ILDR2: variants seen among roughly 807,000 people sequenced by gnomAD.
The protein encoded by ILDR2 is immunoglobulin like domain containing receptor 2, also known as immunoglobulin-like domain-containing receptor 2.
Under a neutral mutation model 66.8 loss-of-function variants are expected in ILDR2, and 25 were observed. The ratio of observed to expected loss-of-function variants is 0.37; its 90% CI spans 0.27 to 0.52. The LOEUF (loss-of-function observed/expected upper bound fraction) is 0.52, where lower values mean the gene tolerates loss of function less well. ILDR2 is among the 20% of genes least tolerant of loss of function. The probability of loss-of-function intolerance (pLI) is 0.88; values close to 1 mark genes in which losing one functional copy is unlikely to be tolerated. For missense variants in ILDR2, 827 were observed against 876.8 expected (o/e 0.94, Z 0.72); for synonymous variants, 367 against 357.2 (o/e 1.03, Z -0.31).
At position 166,921,446 on chromosome 1, in the gene ILDR2, G is replaced by C; in HGVS notation, c.1212-67C>G. ...CTGGAGCTCCAGGTAGGGCTCCCAA[G>C]AGCACCCATCGTGTCCTGGGGCCAC... On this transcript the variant is annotated intron_variant, in intron 8 of 9. Transcript: ENST00000271417. This position sits in a 1 kb window ranked among gnomAD's most constrained non-coding sequence, Gnocchi z 5.3. 36 of 1,370,084 alleles carry C rather than the reference G, an allele frequency of 2.6e-5. No homozygotes were observed. The highest frequency in any genetic ancestry group is 3.4e-5 in the Non-Finnish European group (35 of 1,018,640). The allele number at this position is 1,370,084 out of a possible 1,614,324, so 84.9% of individuals were successfully genotyped here.
chr1:166,912,784 T>C lies in ILDR2; in HGVS notation c.*6571A>G, dbSNP rs1659498096. 1.3e-5 allele frequency: 2 copies of C among 152,362 alleles called. No homozygotes were observed. The highest frequency in any genetic ancestry group is 4.1e-4 in the South Asian group (2 of 4,828). 9.4% of individuals were successfully genotyped at this position (152,362 alleles called of 1,614,324 possible). A position where few individuals can be genotyped will look rare whatever the true frequency, so the allele number is the denominator to read the frequency against. Reference sequence around the variant, plus strand: ...TTGCCTCCTCTTAATTATGGTGCTGTGGAATTTCTCAAATCTTAACAGAAC... The same window carrying C: ...TTGCCTCCTCTTAATTATGGTGCTGCGGAATTTCTCAAATCTTAACAGAAC... On this transcript the variant is annotated 3_prime_UTR_variant, in exon 10 of 10. Coordinates refer to ENST00000271417, the MANE Select transcript of ILDR2 (RefSeq NM_199351.3).
chr1:166,906,699 A>G (rs1571256705), downstream of ILDR2, among the ~76,000 whole-genome samples: 1 of 152,240 alleles, frequency 6.6e-6, no homozygotes, highest in East Asian at 1.9e-4. Context: ...TGGCAAAGTC[A>G]GACTTCAGTC....
At chr1:166,948,363 A>G (rs1053390805) in intron 3 of ILDR2, among the ~76,000 whole-genome samples, 21 of 152,336 alleles carry the variant, frequency 1.4e-4, no homozygotes, top group African/African-American at 4.1e-4. Context: ...AGTTTGGATG[A>G]TAAGTTGTAA....
At chr1:166,925,057 G>A (rs1480958999) in intron 7 of ILDR2, among the ~76,000 whole-genome samples, 1 of 152,060 alleles carries the variant, frequency 6.6e-6, no homozygotes, top group East Asian at 1.9e-4. Flanking sequence ...AGGAGATATA[G>A]TTTGCTGAGC....
downstream of ILDR2, among the ~76,000 whole-genome samples, chr1:166,905,134 A>C (rs1659323983): frequency 1.3e-5 from 2 of 152,264 alleles, no homozygotes; most frequent in Admixed American, 6.5e-5. Flanking sequence ...GCTTCTTTTT[A>C]TCTCTCTCTC....
In ILDR2 at chr1:166,913,209, G is replaced by A. The variant is rs938860655; in HGVS notation, c.*6146C>T. The A allele has an allele frequency of 1.3e-5, 2 of 152,016 alleles. No individual in the cohort carries two copies. Among genetic ancestry groups the A allele is most frequent in the Admixed American group, 6.6e-5 (1 of 15,254 alleles). The allele number at this position is 152,016 out of a possible 1,614,324, so 9.4% of individuals were successfully genotyped here. A position where few individuals can be genotyped will look rare whatever the true frequency, so the allele number is the denominator to read the frequency against. On this transcript the variant is annotated 3_prime_UTR_variant, in exon 10 of 10. Coordinates refer to ENST00000271417, the MANE Select transcript of ILDR2 (RefSeq NM_199351.3). ...TATGAGTTCTTGGTAACAAATGTAG[G>A]TAAGAATTCTTTATTACGTTTAAAA... is the stretch of plus-strand genomic sequence containing the variant.
chr1:166,898,125 C>T (rs1381226241), intron 2 of ILDR2, among the ~76,000 whole-genome samples: 1 of 151,988 alleles, frequency 6.6e-6, no homozygotes, highest in East Asian at 1.9e-4. Context: ...TGTAAGACAC[C>T]CATAGGAAAT....
rs558948343 is a variant in ILDR2 at position 166,924,306 on chromosome 1, C to T, written c.995-1497G>A. Among the ~76,000 whole-genome samples the T allele has an allele frequency of 9.8e-5, 15 of 152,302 alleles. No individual in the cohort carries two copies. The South Asian group carries it at 2.9e-3, about 29-fold the overall frequency. Reference sequence around the variant, plus strand: ...ATGAATTCCAGTATCCCAGGGATCACACAGAAGAGGCCTTTAAAATGCACC... The same window carrying T: ...ATGAATTCCAGTATCCCAGGGATCATACAGAAGAGGCCTTTAAAATGCACC... On this transcript the variant is annotated intron_variant, in intron 7 of 9. Transcript: ENST00000271417.
chr1:166,957,900 C>T lies in ILDR2; in HGVS notation c.248G>A (p.Arg83Lys). 6.2e-7 allele frequency: 1 copy of T among 1,614,190 alleles called. No homozygotes were observed. Among genetic ancestry groups the T allele is most frequent in the Non-Finnish European group, 8.5e-7 (1 of 1,180,036 alleles). The part of the protein sequence containing the change: ...SSTRAQSLSK[R>K]NLEWDPYLDC... Reference sequence around the variant, plus strand: ...CAAGTAGGGGTCCCATTCCAGGTTTCTCTTGCTGAGAGATTGGGCCCGGGT... The same window carrying T: ...CAAGTAGGGGTCCCATTCCAGGTTTTTCTTGCTGAGAGATTGGGCCCGGGT... Residue 83 changes from arginine (R) to lysine (K), a missense_variant, in exon 2 of 10, where the codon AGA (arginine) becomes AAA (lysine). This residue lies in a region of ILDR2 where 437 missense variants were observed against 523.2 expected (regional missense o/e 0.84). Coordinates refer to ENST00000271417, the MANE Select transcript of ILDR2 (RefSeq NM_199351.3).
At chr1:166,897,094 G>A (rs58768688) in intron 2 of ILDR2, among the ~76,000 whole-genome samples, 2,408 of 152,252 alleles carry the variant, frequency 0.016, 61 homozygotes, top group African/African-American at 0.055. Flanking sequence ...CTTTAGAATA[G>A]CAACTCTGAT....
In ILDR2 at chr1:166,936,555, C is replaced by G. The variant is rs1018750009; in HGVS notation, c.703+36G>C. The G allele has an allele frequency of 6.2e-7, 1 of 1,613,616 alleles. No individual in the cohort carries two copies. Among genetic ancestry groups the G allele is most frequent in the Non-Finnish European group, 8.5e-7 (1 of 1,179,764 alleles). ...CAGGTAGAGAGGTAGACATTTCTCT[C>G]GATCGCTCTGTCTCCCCAGCGGTCA... is the stretch of plus-strand genomic sequence containing the variant. On this transcript the variant is annotated intron_variant, in intron 5 of 9. Transcript: ENST00000271417. This position sits in a 1 kb window ranked among gnomAD's most constrained non-coding sequence, Gnocchi z 5.0.
intron 3 of ILDR2, among the ~76,000 whole-genome samples, chr1:166,946,272 G>A (rs1661605414): frequency 6.6e-6 from 1 of 151,992 alleles, no homozygotes; most frequent in Non-Finnish European, 1.5e-5. Flanking sequence ...TCACAAATGT[G>A]GATATAGCCC....
At chr1:166,952,547 A>G (rs1426575810) in intron 3 of ILDR2, among the ~76,000 whole-genome samples, 2 of 152,196 alleles carry the variant, frequency 1.3e-5, no homozygotes, top group Admixed American at 1.3e-4. Context: ...CCACTGAAAG[A>G]GCCATCCATA....
chr1:166,915,731 G>A lies in ILDR2; in HGVS notation c.*3624C>T, dbSNP rs1659616883. On this transcript the variant is annotated 3_prime_UTR_variant, in exon 10 of 10. Transcript: ENST00000271417. ...GGCAAGATCTAATCAGACTACCTAT[G>A]TGAAATTTTGTGGACTATTCAGAAA... The A allele has an allele frequency of 6.6e-6, 1 of 152,208 alleles. No homozygotes were observed. The highest frequency in any genetic ancestry group is 1.5e-5 in the Non-Finnish European group (1 of 68,050). 9.4% of individuals were successfully genotyped at this position (152,208 alleles called of 1,614,324 possible).
Position 166,908,801 on chromosome 1 carries a change from T to C in ILDR2, c.*10554A>G, listed in dbSNP as rs1659399230. 2 of 152,180 alleles carry C rather than the reference T, an allele frequency of 1.3e-5. No individual in the cohort carries two copies. The highest frequency in any genetic ancestry group is 4.1e-4 in the South Asian group (2 of 4,824). The allele number at this position is 152,180 out of a possible 1,614,324, so 9.4% of individuals were successfully genotyped here. On this transcript the variant is annotated 3_prime_UTR_variant, in exon 10 of 10. Transcript: ENST00000271417. ...GGTATATGGAAGGCTCTGGTAGGAT[T>C]TGTCACTGAACTGTGGTAAAAACAG...
intron 1 of ILDR2, among the ~76,000 whole-genome samples, chr1:166,961,816 C>T: frequency 6.6e-6 from 1 of 152,138 alleles, no homozygotes. Context: ...GTGTACAGGG[C>T]AAAAACTGCA....
chr1:166,936,532 G>T lies in ILDR2; in HGVS notation c.703+59C>A. ...AGGAACCCAGCGCACACAGCTGTCA[G>T]GTAGAGAGGTAGACATTTCTCTCGA... On this transcript the variant is annotated intron_variant, in intron 5 of 9. Transcript: ENST00000271417. The surrounding 1 kb of genome is among the most constrained non-coding windows in gnomAD (Gnocchi z 5.0). The T allele has an allele frequency of 6.2e-7, 1 of 1,610,258 alleles. No homozygotes were observed. The highest frequency in any genetic ancestry group is 8.5e-7 in the Non-Finnish European group (1 of 1,177,734).
chr1:166,967,448 A>G (rs950944727), intron 1 of ILDR2, among the ~76,000 whole-genome samples: 2 of 152,178 alleles, frequency 1.3e-5, no homozygotes, highest in Non-Finnish European at 2.9e-5. Flanking sequence ...GGGAAACTTC[A>G]TCTTCTTTCC....
At chr1:166,951,518 T>C (rs1388117616) in intron 3 of ILDR2, among the ~76,000 whole-genome samples, 1 of 152,236 alleles carries the variant, frequency 6.6e-6, no homozygotes, top group Non-Finnish European at 1.5e-5. Context: ...AAAAGAGTTC[T>C]GAAAAATACA....
Sources: gnomAD v4.1 joint callset for allele counts (sites outside exome capture counted in the v4.1 genomes callset) on GRCh38, gnomAD v4.1.1 for gene constraint, gnomAD v4.1.1 regional missense constraint, Gnocchi (gnomAD v3.1) non-coding constraint, MANE v1.5 for transcripts, NCBI Gene and HGNC (gene_info 2026-07-23, HGNC 2026-07-21) for gene names.